The following ELMO1 variants were observed in gnomAD, a reference collection of about 807,000 sequenced individuals.
ELMO1 encodes the protein engulfment and cell motility protein 1.
Under a neutral mutation model 98.9 loss-of-function variants are expected in ELMO1, and 26 were observed. That is an observed-to-expected ratio of 0.26 (90% CI 0.19 to 0.36). The LOEUF (loss-of-function observed/expected upper bound fraction) is 0.36. Ranked by LOEUF, ELMO1 falls within the 10% of genes least tolerant of loss-of-function variation. The pLI is 1.00. For missense variants in ELMO1, 627 were observed against 935.2 expected, an observed-to-expected ratio of 0.67 and a Z score of 4.30; for synonymous variants, 346 against 346.0, an observed-to-expected ratio of 1.00 and a Z score of 0.00.
chr7:37,026,119 G>A (rs532002316), intron 15 of ELMO1, among the ~76,000 whole-genome samples: 1 of 152,282 alleles, frequency 6.6e-6, no homozygotes, highest in Non-Finnish European at 1.5e-5. Flanking sequence ...ATTCAGAGAA[G>A]TGGCGCATTA....
At chr7:36,909,294 G>T (rs1215269268) in intron 16 of ELMO1, among the ~76,000 whole-genome samples, 3 of 152,194 alleles carry the variant, frequency 2.0e-5, no homozygotes, top group Non-Finnish European at 4.4e-5. Context: ...TCCACCAAGA[G>T]AATTTTACTT....
At position 37,384,719 on chromosome 7, in the gene ELMO1, C is replaced by CAA. The variant is rs765407181; in HGVS notation, c.-73-41958_-73-41957dup. 4.3e-3 allele frequency among the ~76,000 whole-genome samples: 498 copies of CAA among 116,100 alleles called. 3 individuals carry two copies. The highest frequency in any genetic ancestry group is 0.015 in the African/African-American group (470 of 31,928). The allele number at this position is 116,100 out of a possible 152,430, so 76.2% of individuals were successfully genotyped here. A position where few individuals can be genotyped will look rare whatever the true frequency, so the allele number is the denominator to read the frequency against. On this transcript the variant is annotated intron_variant, in intron 1 of 21. Transcript: ENST00000310758. ...TGGGCGAAAGAGCAAGACTCCGTCT[C>CAA]AAAAAAAAAAAAAAGAACTTTCCAG...
chr7:37,123,576 G>C (rs189447178), intron 14 of ELMO1, among the ~76,000 whole-genome samples: 1 of 152,228 alleles, frequency 6.6e-6, no homozygotes, highest in African/African-American at 2.4e-5. Flanking sequence ...ACCCTCCCAA[G>C]ACTAAACCAG....
chr7:37,377,662 A>T (rs10242319), intron 1 of ELMO1, among the ~76,000 whole-genome samples: 2,459 of 152,248 alleles, frequency 0.016, 28 homozygotes, highest in Non-Finnish European at 0.026. Context: ...AGAGGAAAGC[A>T]AATTTAGGGT....
At chr7:37,129,290 A>T (rs1448684874) in intron 14 of ELMO1, among the ~76,000 whole-genome samples, 1 of 152,182 alleles carries the variant, frequency 6.6e-6, no homozygotes, top group Non-Finnish European at 1.5e-5. Context: ...GGCACGGAAG[A>T]TGGGTTTGAA....
intron 13 of ELMO1, among the ~76,000 whole-genome samples, chr7:37,192,944 CATATATATTTTTT>C (rs1791704910): frequency 1.5e-5 from 2 of 130,938 alleles, no homozygotes; most frequent in African/African-American, 5.8e-5. Flanking sequence ...TATATAGATA[CATATATATTTTTT>C]ATATATATAG....
chr7:37,157,537 C>A (rs1788873382), intron 13 of ELMO1, among the ~76,000 whole-genome samples: 1 of 152,090 alleles, frequency 6.6e-6, no homozygotes, highest in Admixed American at 6.6e-5. Context: ...AGAGCCAAAT[C>A]ATGAGTGAAC....
At chr7:37,130,790 T>A (rs1016722110) in intron 14 of ELMO1, among the ~76,000 whole-genome samples, 2 of 152,092 alleles carry the variant, frequency 1.3e-5, no homozygotes, top group Non-Finnish European at 2.9e-5. Flanking sequence ...AATTTTTTTT[T>A]AATCTCAACT....
At chr7:37,196,897 A>G (rs1791994456) in intron 13 of ELMO1, among the ~76,000 whole-genome samples, 1 of 152,220 alleles carries the variant, frequency 6.6e-6, no homozygotes, top group African/African-American at 2.4e-5. Flanking sequence ...CAGGTCCCAA[A>G]GAGTCCCCTA....
intron 16 of ELMO1, among the ~76,000 whole-genome samples, chr7:36,912,896 G>C (rs983632698): frequency 3.9e-5 from 6 of 152,234 alleles, no homozygotes; most frequent in African/African-American, 1.4e-4. Flanking sequence ...ATAAATATTA[G>C]TTTCCTCTGT....
intron 1 of ELMO1, among the ~76,000 whole-genome samples, chr7:37,404,935 T>C (rs1159664274): frequency 6.6e-6 from 1 of 152,220 alleles, no homozygotes; most frequent in Non-Finnish European, 1.5e-5. Context: ...AATTTTTTTC[T>C]GAATAAAATG....
At chr7:37,316,059 G>T in intron 2 of ELMO1, 99 bp from the exon 3 acceptor site, 1 of 965,916 alleles carries the variant, frequency 1.0e-6, no homozygotes, top group Non-Finnish European at 1.6e-6. Context: ...TAAGCAAAGA[G>T]AATTTACATT....
intron 13 of ELMO1, among the ~76,000 whole-genome samples, chr7:37,160,974 CCTCT>C (rs1050313057): frequency 1.2e-4 from 18 of 152,104 alleles, no homozygotes; most frequent in African/African-American, 2.7e-4. Flanking sequence ...GGAAAGTTCA[CCTCT>C]CTAAGGCCAC....
At chr7:37,032,121 A>G (rs1794917570) in intron 15 of ELMO1, among the ~76,000 whole-genome samples, 1 of 152,132 alleles carries the variant, frequency 6.6e-6, no homozygotes, top group South Asian at 2.1e-4. Context: ...GTGCACCCCT[A>G]CTGATTGGCT....
chr7:37,414,371 A>G (rs921093369), intron 1 of ELMO1, among the ~76,000 whole-genome samples: 2 of 152,234 alleles, frequency 1.3e-5, no homozygotes, highest in Non-Finnish European at 2.9e-5. Flanking sequence ...ACCCCTGTAC[A>G]TTACATGTAG....
chr7:37,342,682 T>G lies in ELMO1; in HGVS notation c.9A>C (p.Pro3=), dbSNP rs780847141. The G allele has an allele frequency of 1.2e-6, 2 of 1,609,968 alleles. No homozygotes were observed. The highest frequency in any genetic ancestry group is 1.7e-6 in the Non-Finnish European group (2 of 1,178,666). The change falls in exon 2 of 22, where the codon CCA becomes CCC. Residue 3 remains proline, a synonymous_variant. Coordinates refer to ENST00000310758, the MANE Select transcript of ELMO1 (RefSeq NM_014800.11). The surrounding 1 kb of genome is among the most constrained non-coding windows in gnomAD (Gnocchi z 4.3). Reference sequence around the variant, plus strand: ...TGGCCACCTTGACGATGTCCGCGGGTGGCGGCATTGTAAGTCCCCAAAATG... The same window carrying G: ...TGGCCACCTTGACGATGTCCGCGGGGGGCGGCATTGTAAGTCCCCAAAATG... The part of the protein sequence containing the change: MP[P]PADIVKVAIE...
intron 7 of ELMO1, among the ~76,000 whole-genome samples, 174 bp from the exon 8 acceptor site, chr7:37,233,368 C>A (rs1161311682): frequency 4.0e-5 from 6 of 151,102 alleles, no homozygotes; most frequent in Non-Finnish European, 7.4e-5. Context: ...GGCAGGACGG[C>A]CTTGATGAGG....
intron 1 of ELMO1, among the ~76,000 whole-genome samples, chr7:37,398,019 G>T (rs1320067283): frequency 1.3e-5 from 2 of 152,168 alleles, no homozygotes; most frequent in African/African-American, 4.8e-5. Flanking sequence ...TGGGATATGG[G>T]GAAGGAGAGC....
chr7:37,238,108 T>C (rs1431692076), intron 7 of ELMO1, among the ~76,000 whole-genome samples: 12 of 152,210 alleles, frequency 7.9e-5, no homozygotes, highest in Admixed American at 7.2e-4. Flanking sequence ...AAAGATGATA[T>C]GCTTTGGCTC....
Sources: gnomAD v4.1 joint callset for allele counts (sites outside exome capture counted in the v4.1 genomes callset) on GRCh38, gnomAD v4.1.1 for gene constraint, Gnocchi (gnomAD v3.1) non-coding constraint, MANE v1.5 for transcripts, NCBI Gene and HGNC (gene_info 2026-07-23, HGNC 2026-07-21) for gene names.